ZFPM2: variants seen among roughly 807,000 people sequenced by gnomAD.
The protein encoded by ZFPM2 is zinc finger protein ZFPM2.
Under a neutral mutation model 98.6 loss-of-function variants are expected in ZFPM2, and 20 were observed. The ratio of observed to expected loss-of-function variants is 0.20; its 90% CI spans 0.14 to 0.29. The LOEUF is 0.29. Ranked by LOEUF, ZFPM2 falls within the 10% of genes least tolerant of loss-of-function variation. The pLI, the probability that ZFPM2 is intolerant of heterozygous loss-of-function variation, is 1.00. For missense variants in ZFPM2, 1,310 were observed against 1,388.6 expected, an observed-to-expected ratio of 0.94 and a Z score of 0.90; for synonymous variants, 518 against 502.7, an observed-to-expected ratio of 1.03 and a Z score of -0.41.
chr8:105,675,274 A>T (rs1434527193), intron 5 of ZFPM2, among the ~76,000 whole-genome samples: 1 of 152,166 alleles, frequency 6.6e-6, no homozygotes, highest in African/African-American at 2.4e-5. Context: ...TCCATGGGTA[A>T]TTTGGAAACT....
intron 5 of ZFPM2, among the ~76,000 whole-genome samples, chr8:105,653,780 C>T (rs186455779): frequency 3.3e-4 from 49 of 146,462 alleles, no homozygotes; most frequent in African/African-American, 1.2e-3. Flanking sequence ...AGAGCATGAG[C>T]GTATCATAAA....
chr8:105,638,747 CAAAAT>C (rs1294493949), intron 5 of ZFPM2, among the ~76,000 whole-genome samples: 2 of 151,948 alleles, frequency 1.3e-5, no homozygotes, highest in Non-Finnish European at 2.9e-5. Context: ...AGGCTAGTAA[CAAAAT>C]TAAATATGAC....
intron 1 of ZFPM2, among the ~76,000 whole-genome samples, chr8:105,405,633 T>G (rs1811435053): frequency 1.3e-5 from 2 of 152,222 alleles, no homozygotes; most frequent in South Asian, 4.1e-4. Flanking sequence ...GGCTGCATAG[T>G]ATTCCATGGT....
At chr8:105,353,360 C>G (rs879705245) in intron 1 of ZFPM2, among the ~76,000 whole-genome samples, 2 of 152,144 alleles carry the variant, frequency 1.3e-5, no homozygotes, top group Non-Finnish European at 2.9e-5. Flanking sequence ...TTTTGTGTGA[C>G]TGGTTATCAC....
At chr8:105,677,785 C>T (rs962242211) in intron 5 of ZFPM2, among the ~76,000 whole-genome samples, 1 of 152,066 alleles carries the variant, frequency 6.6e-6, no homozygotes, top group Non-Finnish European at 1.5e-5. Context: ...ATATGTCTAG[C>T]ATTATCATTT....
At chr8:105,327,121 T>C (rs1198789418) in intron 1 of ZFPM2, among the ~76,000 whole-genome samples, 1 of 151,510 alleles carries the variant, frequency 6.6e-6, no homozygotes, top group African/African-American at 2.4e-5. Context: ...GGAAAACTTT[T>C]GTGGGCATCT....
rs534314617 is a variant in ZFPM2, at chr8:105,652,786, C to G, written c.532+18429C>G. Among the ~76,000 whole-genome samples the G allele has an allele frequency of 4.6e-5, 7 of 152,210 alleles. No individual in the cohort carries two copies. The South Asian group carries it at 6.2e-4, about 14-fold the overall frequency. ...GATTCCATAATTCATTTTCTCAAAT[C>G]AGTAATATATTACATTTCTGTTCAC... On this transcript the variant is annotated intron_variant, in intron 5 of 7. Transcript: ENST00000407775.
rs1813548237 is a variant in ZFPM2, at chr8:105,789,929, G to T, written c.739+1005G>T. 2.0e-5 allele frequency among the ~76,000 whole-genome samples: 3 copies of T among 151,088 alleles called. No homozygotes were observed. The South Asian group carries it at 6.3e-4, about 31-fold the overall frequency. Reference sequence around the variant, plus strand: ...TGTCCTTCGCCCACTTTTTGATGGGGTTGTTTGTTTTTTTCTTGTAAATTT... The same window carrying T: ...TGTCCTTCGCCCACTTTTTGATGGGTTTGTTTGTTTTTTTCTTGTAAATTT... On this transcript the variant is annotated intron_variant, in intron 6 of 7. Coordinates refer to ENST00000407775, the MANE Select transcript of ZFPM2 (RefSeq NM_012082.4).
chr8:105,674,668 T>C (rs1415740585), intron 5 of ZFPM2, among the ~76,000 whole-genome samples: 1 of 152,132 alleles, frequency 6.6e-6, no homozygotes, highest in Non-Finnish European at 1.5e-5. Context: ...GTGTTCAGCA[T>C]TGGTGGATAG....
At chr8:105,612,549 A>T (rs1482675791) in intron 4 of ZFPM2, among the ~76,000 whole-genome samples, 1 of 152,116 alleles carries the variant, frequency 6.6e-6, no homozygotes, top group South Asian at 2.1e-4. Flanking sequence ...TTTCACACAA[A>T]TTTTTTCCTG....
chr8:105,646,515 G>A (rs1817051310), intron 5 of ZFPM2, among the ~76,000 whole-genome samples: 1 of 152,082 alleles, frequency 6.6e-6, no homozygotes, highest in South Asian at 2.1e-4. Context: ...CCAGGAGGAG[G>A]TCTGTTCAAT....
chr8:105,672,583 G>A (rs4734125), intron 5 of ZFPM2, among the ~76,000 whole-genome samples: 19,762 of 151,798 alleles, frequency 0.13, 1,269 homozygotes, highest in Middle Eastern at 0.19. Flanking sequence ...TTTAATTATT[G>A]GTAATCGTTA....
chr8:105,330,579 T>TATAC lies in ZFPM2; in HGVS notation c.40+11599_40+11600insTACA, dbSNP rs1491387691. Among the ~76,000 whole-genome samples, 13 of 96,436 alleles carry TATAC rather than the reference T, an allele frequency of 1.3e-4. 1 individual carries two copies. The highest frequency in any genetic ancestry group is 3.5e-4 in the African/African-American group (8 of 22,978). 63.3% of individuals were successfully genotyped at this position (96,436 alleles called of 152,430 possible). On this transcript the variant is annotated intron_variant, in intron 1 of 7. Transcript: ENST00000407775. ...ATATATATATATATACATATATATA[T>TATAC]ACATATATATATATACATATATATA...
At chr8:105,369,642 T>C (rs2129806236) in intron 1 of ZFPM2, among the ~76,000 whole-genome samples, 1 of 152,328 alleles carries the variant, frequency 6.6e-6, no homozygotes, top group African/African-American at 2.4e-5. Flanking sequence ...CTCTTTGTTC[T>C]GTCAGTATCA....
At chr8:105,368,481 A>G (rs1319322014) in intron 1 of ZFPM2, among the ~76,000 whole-genome samples, 4 of 152,210 alleles carry the variant, frequency 2.6e-5, no homozygotes, top group Non-Finnish European at 5.9e-5. Context: ...ATAGGCATTC[A>G]AAAGTTAAAT....
chr8:105,649,234 C>T (rs1330837060), intron 5 of ZFPM2, among the ~76,000 whole-genome samples: 1 of 152,106 alleles, frequency 6.6e-6, no homozygotes, highest in African/African-American at 2.4e-5. Flanking sequence ...ATTTTTGTAT[C>T]CTGAGACTTT....
chr8:105,747,046 T>C (rs538650515), intron 5 of ZFPM2, among the ~76,000 whole-genome samples: 2 of 152,126 alleles, frequency 1.3e-5, no homozygotes, highest in Non-Finnish European at 2.9e-5. Context: ...ATTTTTTTTC[T>C]TATTTCAGCA....
At chr8:105,325,119 A>G (rs936903371) in intron 1 of ZFPM2, among the ~76,000 whole-genome samples, 3 of 151,648 alleles carry the variant, frequency 2.0e-5, no homozygotes, top group African/African-American at 7.2e-5. Flanking sequence ...CTAATTCAAC[A>G]CCTGCCACTG....
In ZFPM2 at chr8:105,435,666, TAAA is replaced by T. The variant is rs371348150; in HGVS notation, c.200-8607_200-8605del. 2.4e-4 allele frequency among the ~76,000 whole-genome samples: 36 copies of T among 151,284 alleles called. No homozygotes were observed. In the East Asian group the frequency reaches 6.2e-3, roughly 26 times the overall value. On this transcript the variant is annotated intron_variant, in intron 2 of 7. Coordinates refer to ENST00000407775, the MANE Select transcript of ZFPM2 (RefSeq NM_012082.4). ...ACATAGAATCAAAAATGGATAGAAG[TAAA>T]AAAAAATGTTGGTCAATAAAGTCAA...
Sources: allele counts gnomAD v4.1 joint callset (sites outside exome capture counted in the v4.1 genomes callset), GRCh38; gene constraint gnomAD v4.1.1; transcripts MANE v1.5; gene names NCBI Gene and HGNC (gene_info 2026-07-23, HGNC 2026-07-21).